TCN1: variants seen among roughly 807,000 people sequenced by gnomAD.
TCN1 encodes transcobalamin 1.
In TCN1, 47 loss-of-function variants were observed where a neutral mutation model predicts 46.3. That is an observed-to-expected ratio of 1.01 (90% CI 0.80 to 1.29). The LOEUF (loss-of-function observed/expected upper bound fraction) is 1.29. TCN1 is among the 50% of genes most tolerant of loss of function. The pLI is 0.00. For missense variants in TCN1, 532 were observed against 511.0 expected (o/e 1.04, Z -0.40); for synonymous variants, 183 against 192.5 (o/e 0.95, Z 0.41).
chr11:59,854,918 C>A, intron 6 of TCN1, 83 bp from the exon 7 acceptor site: 1 of 1,457,664 alleles, frequency 6.9e-7, no homozygotes, highest in Non-Finnish European at 9.6e-7. Flanking sequence ...AACCCCTATC[C>A]AAGGACTCCT....
chr11:59,855,243 G>A (rs750496917), intron 6 of TCN1, among the ~76,000 whole-genome samples: 1 of 151,976 alleles, frequency 6.6e-6, no homozygotes, highest in South Asian at 2.1e-4. Context: ...TACATGGATT[G>A]TCTCATTCAA....
rs543779101 is a variant in TCN1 at position 59,862,730 on chromosome 11, G to C, written c.260-8C>G. On this transcript the variant is annotated splice_region_variant and splice_polypyrimidine_tract_variant and intron_variant, in intron 2 of 8. Coordinates refer to ENST00000257264, the MANE Select transcript of TCN1 (RefSeq NM_001062.4). The stretch of plus-strand genomic sequence containing the variant: ...CCGAGCTTACATCTGACACTGAAAA[G>C]AAAAGTATTCAAGCTTAATAAGGTA... The C allele has an allele frequency of 9.9e-6, 16 of 1,613,134 alleles. No homozygotes were observed. The South Asian group carries it at 1.3e-4, about 13-fold the overall frequency.
At position 59,852,842 on chromosome 11, in the gene TCN1, C is replaced by T. The variant is rs72561781; in HGVS notation, c.*133G>A. 1.2e-6 allele frequency: 1 copy of T among 829,990 alleles called. No individual in the cohort carries two copies. The highest frequency in any genetic ancestry group is 2.1e-6 in the Non-Finnish European group (1 of 472,220). 51.4% of individuals were successfully genotyped at this position (829,990 alleles called of 1,614,324 possible). A position where few individuals can be genotyped will look rare whatever the true frequency, so the allele number is the denominator to read the frequency against. On this transcript the variant is annotated 3_prime_UTR_variant, in exon 9 of 9. Coordinates refer to ENST00000257264, the MANE Select transcript of TCN1 (RefSeq NM_001062.4). Reference sequence around the variant, plus strand: ...TAATCTTTCAACAACTTTTATTGAACATGTAGAGAGAGAAGGGGAGGTTAT... The same window carrying T: ...TAATCTTTCAACAACTTTTATTGAATATGTAGAGAGAGAAGGGGAGGTTAT...
Position 59,855,862 on chromosome 11 carries a change from C to G in TCN1, c.937+7G>C. 6.2e-7 allele frequency: 1 copy of G among 1,613,728 alleles called. No individual in the cohort carries two copies. Among genetic ancestry groups the G allele is most frequent in the East Asian group, 2.2e-5 (1 of 44,866 alleles). ...GCGAAACAGTGTGCTCTCTTTAATGCTTATACCTGAAGCAGAGACGCAAGA... is the reference window on the plus strand; with the variant it reads ...GCGAAACAGTGTGCTCTCTTTAATGGTTATACCTGAAGCAGAGACGCAAGA... On this transcript the variant is annotated splice_region_variant and intron_variant, in intron 6 of 8. Coordinates refer to ENST00000257264, the MANE Select transcript of TCN1 (RefSeq NM_001062.4).
intron 1 of TCN1, 95 bp from the exon 2 acceptor site, chr11:59,864,181 G>C (rs1365450727): frequency 4.9e-6 from 7 of 1,415,964 alleles, no homozygotes; most frequent in Non-Finnish European, 6.9e-6. Context: ...AACAGATATG[G>C]CACAGACCTA....
rs764546933 is a variant in TCN1, at chr11:59,859,186, CT to C, written c.637del (p.Ser213ValfsTer2). On this transcript the variant is annotated frameshift_variant, in exon 5 of 9. Coordinates refer to ENST00000257264, the MANE Select transcript of TCN1 (RefSeq NM_001062.4). LOFTEE classifies it high-confidence loss of function. Reference protein sequence around the residue: ...INGQIKADEGSLKNISIYTKS... With the variant: ...INGQIKADEGXLKNISIYTKS... The stretch of plus-strand genomic sequence containing the variant: ...TGTATAAATACTGATGTTCTTTAAA[CT>C]GCCTTCATCTGCTTTGATCTGCCCA... 1.2e-6 allele frequency: 2 copies of C among 1,614,118 alleles called. No individual in the cohort carries two copies. Among genetic ancestry groups the C allele is most frequent in the Admixed American group, 1.7e-5 (1 of 60,026 alleles).
chr11:59,862,557 G>T, intron 3 of TCN1, 25 bp downstream of exon 3: 1 of 1,611,954 alleles, frequency 6.2e-7, no homozygotes, highest in South Asian at 1.1e-5. Context: ...AGGTAGTCTA[G>T]GGTCTCTAAA....
chr11:59,859,917 G>A lies in TCN1; in HGVS notation c.557-650C>T, dbSNP rs181875552. Among the ~76,000 whole-genome samples the A allele has an allele frequency of 1.3e-3, 203 of 152,318 alleles. 2 individuals are homozygous for A. The highest frequency in any genetic ancestry group is 4.6e-3 in the African/African-American group (192 of 41,578). ...ATGTCTGCTGCCTGAACTGTCTGAA[G>A]CCCAGGCCATGGAGCCCAGCTGAGG... On this transcript the variant is annotated intron_variant, in intron 4 of 8. Coordinates refer to ENST00000257264, the MANE Select transcript of TCN1 (RefSeq NM_001062.4).
chr11:59,853,579 GT>G (rs1336270189), intron 7 of TCN1, among the ~76,000 whole-genome samples: 1 of 152,094 alleles, frequency 6.6e-6, no homozygotes, highest in Non-Finnish European at 1.5e-5. Flanking sequence ...GATGCTCATG[GT>G]TTCTGCTCTC....
Position 59,862,685 on chromosome 11 carries a change from T to A in TCN1, c.297A>T (p.Ile99=), listed in dbSNP as rs1011998615. 4 of 1,613,712 alleles carry A rather than the reference T, an allele frequency of 2.5e-6. No individual in the cohort carries two copies. The African/African-American group carries it at 5.3e-5, about 22-fold the overall frequency. ...DVSSGELALI[I]LALGVCRNAE... is the part of the protein sequence containing the mutation. Reference sequence around the variant, plus strand: ...CGTTACGACATACTCCCAAAGCCAGTATAATCAAGGCAAGCTCTCCCGAGC... The same window carrying A: ...CGTTACGACATACTCCCAAAGCCAGAATAATCAAGGCAAGCTCTCCCGAGC... The change falls in exon 3 of 9, where the codon ATA becomes ATT. Residue 99 remains isoleucine, a synonymous_variant. Coordinates refer to ENST00000257264, the MANE Select transcript of TCN1 (RefSeq NM_001062.4).
chr11:59,858,103 A>C (rs996909866), intron 5 of TCN1, among the ~76,000 whole-genome samples: 2 of 152,222 alleles, frequency 1.3e-5, no homozygotes, highest in Non-Finnish European at 2.9e-5. Context: ...AAATAGAACA[A>C]TTATAATAAT....
At chr11:59,857,471 A>C (rs1294005485) in intron 5 of TCN1, among the ~76,000 whole-genome samples, 1 of 152,116 alleles carries the variant, frequency 6.6e-6, no homozygotes, top group Non-Finnish European at 1.5e-5. Flanking sequence ...CCGTGCTTAC[A>C]CCTCCAGCCT....
At chr11:59,853,095 AAT>A in intron 8 of TCN1, 59 bp from the exon 9 acceptor site, 1 of 1,600,502 alleles carries the variant, frequency 6.2e-7, no homozygotes, top group South Asian at 1.1e-5. Context: ...ATCACCAAAT[AAT>A]GGATGTCATC....
rs1853012540 is a variant in TCN1 at position 59,861,395 on chromosome 11, T to C, written c.556+132A>G. On this transcript the variant is annotated intron_variant, in intron 4 of 8. Coordinates refer to ENST00000257264, the MANE Select transcript of TCN1 (RefSeq NM_001062.4). ...CATCCATTCTTCTCAAAAAGAAAAT[T>C]CCCTTTTGAGGGGACTAGAGCAAAG... 6 of 992,986 alleles carry C rather than the reference T, an allele frequency of 6.0e-6. No homozygotes were observed. In the Admixed American group the frequency reaches 8.9e-5, roughly 15 times the overall value. 61.5% of individuals were successfully genotyped at this position (992,986 alleles called of 1,614,324 possible).
chr11:59,853,175 G>A, intron 8 of TCN1, 28 bp downstream of exon 8: 2 of 1,612,528 alleles, frequency 1.2e-6, no homozygotes, highest in Non-Finnish European at 1.7e-6. Flanking sequence ...TTTTTAGCAT[G>A]GGTCTTTTTG....
intron 6 of TCN1, 72 bp downstream of exon 6, chr11:59,855,797 G>A (rs1040247042): frequency 6.4e-7 from 1 of 1,560,754 alleles, no homozygotes. Flanking sequence ...GGTTTCAAAG[G>A]ACACCTGAAT....
Position 59,863,335 on chromosome 11 carries a change from G to T in TCN1, c.259+572C>A, listed in dbSNP as rs141411985. Among the ~76,000 whole-genome samples the T allele has an allele frequency of 7.5e-3, 1,146 of 151,884 alleles. 9 individuals carry two copies. The highest frequency in any genetic ancestry group is 0.017 in the Middle Eastern group (5 of 294). ...AAAATAGATAAACAACAAGATCTTGGGTTTTTTTTTCTTTGTGGTACCAGC... is the reference window on the plus strand; with the variant it reads ...AAAATAGATAAACAACAAGATCTTGTGTTTTTTTTTCTTTGTGGTACCAGC... On this transcript the variant is annotated intron_variant, in intron 2 of 8. Coordinates refer to ENST00000257264, the MANE Select transcript of TCN1 (RefSeq NM_001062.4).
At chr11:59,862,919 T>C (rs555740712) in intron 2 of TCN1, among the ~76,000 whole-genome samples, 197 bp from the exon 3 acceptor site, 3 of 152,138 alleles carry the variant, frequency 2.0e-5, no homozygotes, top group Non-Finnish European at 4.4e-5. Flanking sequence ...CATCACAGAG[T>C]GTACTTACAC....
At chr11:59,862,549 G>A in intron 3 of TCN1, 33 bp downstream of exon 3, 1 of 1,610,306 alleles carries the variant, frequency 6.2e-7, no homozygotes, top group Non-Finnish European at 8.5e-7. Flanking sequence ...AGAAGACAAG[G>A]TAGTCTAGGG....
Sources: gnomAD v4.1 joint callset for allele counts (sites outside exome capture counted in the v4.1 genomes callset) on GRCh38, gnomAD v4.1.1 for gene constraint, MANE v1.5 for transcripts, NCBI Gene and HGNC (gene_info 2026-07-23, HGNC 2026-07-21) for gene names.